PLCH1: variants seen among roughly 807,000 people sequenced by gnomAD.
PLCH1 encodes the protein phospholipase C eta 1, also known as 1-phosphatidylinositol 4,5-bisphosphate phosphodiesterase eta-1.
Under a neutral mutation model 126.7 loss-of-function variants are expected in PLCH1, and 60 were observed. That is an observed-to-expected ratio of 0.47 (90% CI 0.38 to 0.59). PLCH1 has a LOEUF of 0.59. Among genes scored for constraint, PLCH1 ranks in the 20% least tolerant of loss-of-function variants. PLCH1 has a pLI of 0.00. For missense variants in PLCH1, 1,723 were observed against 2,040.0 expected, an observed-to-expected ratio of 0.84 and a Z score of 2.99; for synonymous variants, 719 against 734.9, an observed-to-expected ratio of 0.98 and a Z score of 0.35.
intron 2 of PLCH1, among the ~76,000 whole-genome samples, chr3:155,689,739 C>T (rs939598589): frequency 6.6e-6 from 1 of 151,498 alleles, no homozygotes; most frequent in South Asian, 2.1e-4. Context: ...AGGAGAAAAA[C>T]AGAAAAAAGA....
chr3:155,594,277 T>C, intron 3 of PLCH1, 93 bp from the exon 4 acceptor site: 2 of 1,232,130 alleles, frequency 1.6e-6, no homozygotes, highest in Middle Eastern at 4.9e-4. Context: ...TCATTTTAAA[T>C]ATTAAAAATA....
At chr3:155,621,592 A>G (rs1234542755) in intron 2 of PLCH1, among the ~76,000 whole-genome samples, 1 of 152,260 alleles carries the variant, frequency 6.6e-6, no homozygotes, top group Non-Finnish European at 1.5e-5. Flanking sequence ...TGAAAAACAC[A>G]GCACAAGAAC....
chr3:155,687,021 T>G, intron 2 of PLCH1, among the ~76,000 whole-genome samples: 1 of 152,204 alleles, frequency 6.6e-6, no homozygotes, highest in East Asian at 1.9e-4. Context: ...TGACAGCATA[T>G]ATAATAAAGC....
chr3:155,511,310 G>T (rs1337168077), intron 12 of PLCH1, among the ~76,000 whole-genome samples: 2 of 133,778 alleles, frequency 1.5e-5, no homozygotes, highest in Non-Finnish European at 3.1e-5. Context: ...ATGTCTTCCC[G>T]TAGCTCAGAG....
chr3:155,510,133 CT>C (rs1276622544), intron 12 of PLCH1, among the ~76,000 whole-genome samples: 1 of 59,268 alleles, frequency 1.7e-5, no homozygotes, highest in African/African-American at 1.2e-4. Context: ...CTCTTTTGAT[CT>C]TTGTTGGTTT....
Position 155,482,591 on chromosome 3 carries a change from CAAAG to C in PLCH1, c.3431_3434del (p.Ser1144CysfsTer24). ...CAGAACAGAGCATGGAGACGTCTGA[CAAAG>C]AAAAGGATGTTGCAGCTCGGCCCTT... On this transcript the variant is annotated frameshift_variant, in exon 23 of 23. Coordinates refer to ENST00000460012, the MANE Select transcript of PLCH1 (RefSeq NM_014996.4). LOFTEE classifies it low-confidence loss of function (END_TRUNC). 1 of 1,614,212 alleles carries C rather than the reference CAAAG, an allele frequency of 6.2e-7. No individual in the cohort carries two copies. Among genetic ancestry groups the C allele is most frequent in the Non-Finnish European group, 8.5e-7 (1 of 1,180,044 alleles).
intron 5 of PLCH1, among the ~76,000 whole-genome samples, chr3:155,583,954 A>C (rs1731044833): frequency 6.6e-6 from 1 of 151,862 alleles, no homozygotes; most frequent in Non-Finnish European, 1.5e-5. Context: ...AATTCTAGAT[A>C]GGAAATAAAA....
In PLCH1 at chr3:155,523,969, T is replaced by G. The variant is rs1236746017; in HGVS notation, c.1398A>C (p.Ala466=). Residue 466 remains alanine (A), a synonymous_variant, in exon 11 of 23, where the codon GCA becomes GCC. Coordinates refer to ENST00000460012, the MANE Select transcript of PLCH1 (RefSeq NM_014996.4). ...KKLPYHLGDD[A]EEGEVSDEDS... is the part of the protein sequence containing the mutation. ...CCTCATCAGAAACTTCCCCTTCCTCTGCATCATCCCCAAGGTGATAAGGCA... is the reference window on the plus strand; with the variant it reads ...CCTCATCAGAAACTTCCCCTTCCTCGGCATCATCCCCAAGGTGATAAGGCA... 1 of 1,608,198 alleles carries G rather than the reference T, an allele frequency of 6.2e-7. No individual in the cohort carries two copies.
chr3:155,613,930 G>C (rs1280532795), intron 2 of PLCH1, among the ~76,000 whole-genome samples: 1 of 152,140 alleles, frequency 6.6e-6, no homozygotes, highest in Non-Finnish European at 1.5e-5. Context: ...TCCCAGATCT[G>C]ATAAGTTAAT....
At chr3:155,720,462 G>C (rs1747870394) in intron 1 of PLCH1, among the ~76,000 whole-genome samples, 1 of 152,108 alleles carries the variant, frequency 6.6e-6, no homozygotes, top group Non-Finnish European at 1.5e-5. Flanking sequence ...GCATTTCCCT[G>C]ATCATTAGTG....
intron 1 of PLCH1, chr3:155,743,043 A>G: frequency 3.6e-6 from 1 of 277,968 alleles, no homozygotes; most frequent in Non-Finnish European, 7.1e-6. Context: ...ATTCTAACCA[A>G]TGTTAAATAG....
intron 4 of PLCH1, among the ~76,000 whole-genome samples, chr3:155,589,829 C>G (rs1731868344): frequency 6.6e-6 from 1 of 152,182 alleles, no homozygotes; most frequent in Non-Finnish European, 1.5e-5. Context: ...TTATTAAGTG[C>G]TAGGCAGTGT....
chr3:155,727,027 T>G (rs1267248973), intron 1 of PLCH1, among the ~76,000 whole-genome samples: 1 of 151,946 alleles, frequency 6.6e-6, no homozygotes, highest in Non-Finnish European at 1.5e-5. Context: ...GCTCAAATTC[T>G]TTTGATTAAT....
At chr3:155,458,341 CAAA>C (rs552915955) in intron 21 of PLCH1, among the ~76,000 whole-genome samples, 2,011 of 81,456 alleles carry the variant, frequency 0.025, 113 homozygotes, top group African/African-American at 0.097. Flanking sequence ...GACTCCATGT[CAAA>C]AAAAAAAAAA....
chr3:155,610,391 C>CAAAAAAAAAAA (rs1381881513), intron 2 of PLCH1, among the ~76,000 whole-genome samples: 1 of 60,790 alleles, frequency 1.6e-5, no homozygotes, highest in African/African-American at 1.0e-4. Context: ...AAAAAAAAAC[C>CAAAAAAAAAAA]ATCACCTAGG....
At chr3:155,649,911 G>A (rs1213669115) in intron 2 of PLCH1, among the ~76,000 whole-genome samples, 3 of 152,128 alleles carry the variant, frequency 2.0e-5, no homozygotes. Context: ...CCGGGAGGCG[G>A]AGCTTGCAGT....
At chr3:155,454,881 CT>C (rs1163386215) in intron 21 of PLCH1, among the ~76,000 whole-genome samples, 1 of 152,126 alleles carries the variant, frequency 6.6e-6, no homozygotes, top group Non-Finnish European at 1.5e-5. Context: ...GCTGGTCCCC[CT>C]GTTACACATA....
At chr3:155,743,600 C>T (rs1413257769) in intron 1 of PLCH1, 3 of 441,712 alleles carry the variant, frequency 6.8e-6, no homozygotes, top group South Asian at 4.8e-5. Flanking sequence ...CTTCTTGAAG[C>T]ATTCTCTGCA....
chr3:155,548,413 A>G (rs1725675412), intron 10 of PLCH1, among the ~76,000 whole-genome samples: 1 of 152,190 alleles, frequency 6.6e-6, no homozygotes. Context: ...AGTGCCTCAG[A>G]CTTTCTGCCT....
Sources: gnomAD v4.1 joint callset for allele counts (sites outside exome capture counted in the v4.1 genomes callset) on GRCh38, gnomAD v4.1.1 for gene constraint, MANE v1.5 for transcripts, NCBI Gene and HGNC (gene_info 2026-07-23, HGNC 2026-07-21) for gene names.